Variants in HECW2 observed in about 807,000 individuals in gnomAD.
HECW2 encodes HECT, C2 and WW domain containing E3 ubiquitin protein ligase 2.
Under a neutral mutation model 175.2 loss-of-function variants are expected in HECW2, and 61 were observed. That is an observed-to-expected ratio of 0.35 (90% CI 0.28 to 0.43). The LOEUF (loss-of-function observed/expected upper bound fraction) is 0.43, where lower values mean the gene tolerates loss of function less well. Among genes scored for constraint, HECW2 ranks in the 20% least tolerant of loss-of-function variants. The probability of loss-of-function intolerance (pLI) is 1.00; values close to 1 mark genes in which losing one functional copy is unlikely to be tolerated. For missense variants in HECW2, 1,524 were observed against 2,000.5 expected (o/e 0.76, Z 4.54); for synonymous variants, 671 against 731.0 (o/e 0.92, Z 1.32).
intron 1 of HECW2, among the ~76,000 whole-genome samples, chr2:196,491,525 CAT>C (rs1204253689): frequency 7.7e-5 from 11 of 143,736 alleles, no homozygotes; most frequent in African/African-American, 1.9e-4. Context: ...CACACACACA[CAT>C]ATACACACAT....
chr2:196,409,470 C>G (rs1288653671), intron 2 of HECW2, among the ~76,000 whole-genome samples: 3 of 152,160 alleles, frequency 2.0e-5, no homozygotes, highest in Non-Finnish European at 2.9e-5. Flanking sequence ...AAAAGCTGGG[C>G]AGCAGCAAGA....
At chr2:196,486,443 C>A (rs566131086) in intron 1 of HECW2, among the ~76,000 whole-genome samples, 2 of 152,088 alleles carry the variant, frequency 1.3e-5, no homozygotes, top group African/African-American at 2.4e-5. Context: ...ACAGATGCAA[C>A]CCCCCTGGGC....
At chr2:196,270,269 G>A (rs1689678468) in intron 17 of HECW2, among the ~76,000 whole-genome samples, 1 of 152,196 alleles carries the variant, frequency 6.6e-6, no homozygotes, top group South Asian at 2.1e-4. Context: ...AGATTTCAAG[G>A]AGGGAAAGCT....
At chr2:196,362,370 C>G (rs1023734529) in intron 2 of HECW2, 1 of 141,470 alleles carries the variant, frequency 7.1e-6, no homozygotes, top group Non-Finnish European at 1.4e-5. Flanking sequence ...CACACACACA[C>G]ACACACACAC....
At chr2:196,232,745 G>A (rs949736911) in intron 21 of HECW2, among the ~76,000 whole-genome samples, 1 of 152,168 alleles carries the variant, frequency 6.6e-6, no homozygotes, top group African/African-American at 2.4e-5. Context: ...CCCTTTTTAT[G>A]ATGATAGCTG....
At chr2:196,528,971 C>G (rs540548510) in intron 1 of HECW2, among the ~76,000 whole-genome samples, 2 of 152,306 alleles carry the variant, frequency 1.3e-5, no homozygotes, top group Admixed American at 6.5e-5. Flanking sequence ...TACCCAGAAC[C>G]AGGAGAGTGA....
At position 196,201,027 on chromosome 2, in the gene HECW2, AG is replaced by A; in HGVS notation, c.*249del. ...GTCTTGGAACATAACAAATGGAAAA[AG>A]TTTGGCAGTCAAGAACTGTTGATTG... On this transcript the variant is annotated 3_prime_UTR_variant, in exon 29 of 29. Coordinates refer to ENST00000644978, the MANE Select transcript of HECW2 (RefSeq NM_001348768.2). 1 of 386,394 alleles carries A rather than the reference AG, an allele frequency of 2.6e-6. No individual in the cohort carries two copies. The highest frequency in any genetic ancestry group is 4.4e-5 in the East Asian group (1 of 22,854). The allele number at this position is 386,394 out of a possible 1,614,324, so 23.9% of individuals were successfully genotyped here. A position where few individuals can be genotyped will look rare whatever the true frequency, so the allele number is the denominator to read the frequency against.
At position 196,220,843 on chromosome 2, in the gene HECW2, C is replaced by G. The variant is rs1056529436; in HGVS notation, c.4245G>C (p.Glu1415Asp). Reference sequence around the variant, plus strand: ...TCTCTGTTTGCTGTACAACACCCCTCTCAATCCTCCACTTCACCATCCTCT... The same window carrying G: ...TCTCTGTTTGCTGTACAACACCCCTGTCAATCCTCCACTTCACCATCCTCT... ...YIERMVKWRI[E>D]RGVVQQTESL... Residue 1415 changes from glutamate (E) to aspartate (D), a missense_variant, in exon 25 of 29, where the codon GAG becomes GAC. Around this residue, in one of 11 missense-constraint regions of HECW2, gnomAD observed 134 missense variants for 287.8 expected, o/e 0.47. Coordinates refer to ENST00000644978, the MANE Select transcript of HECW2 (RefSeq NM_001348768.2). 1 of 1,614,212 alleles carries G rather than the reference C, an allele frequency of 6.2e-7. No homozygotes were observed. The highest frequency in any genetic ancestry group is 8.5e-7 in the Non-Finnish European group (1 of 1,180,014).
chr2:196,352,593 G>A (rs920488629), intron 2 of HECW2, among the ~76,000 whole-genome samples: 15 of 125,292 alleles, frequency 1.2e-4, no homozygotes, highest in African/African-American at 6.1e-4. Context: ...CACAAGCAGG[G>A]AGCCAACTGG....
At chr2:196,410,966 G>A (rs1695092996) in intron 2 of HECW2, among the ~76,000 whole-genome samples, 2 of 151,930 alleles carry the variant, frequency 1.3e-5, no homozygotes, top group Non-Finnish European at 2.9e-5. Flanking sequence ...GCCATTCCAG[G>A]CAATGCAATG....
chr2:196,284,178 T>A (rs1690296619), intron 14 of HECW2, among the ~76,000 whole-genome samples: 1 of 152,132 alleles, frequency 6.6e-6, no homozygotes, highest in Admixed American at 6.5e-5. Flanking sequence ...GCCTCACCAG[T>A]TTCAACACTG....
chr2:196,377,462 A>G (rs1694082365), intron 2 of HECW2, among the ~76,000 whole-genome samples: 2 of 152,310 alleles, frequency 1.3e-5, no homozygotes, highest in South Asian at 2.1e-4. Context: ...TGGAAGAGCA[A>G]GGGACGTCTT....
chr2:196,209,765 C>CTT lies in HECW2; in HGVS notation c.4607+6098_4607+6099dup, dbSNP rs59896485. ...TCTGATGGTTTTTCTTTCTTTCTTT[C>CTT]TTTTTTTTTTTTTTTTGAGACGGAG... On this transcript the variant is annotated intron_variant, in intron 28 of 28. Transcript: ENST00000644978. Among the ~76,000 whole-genome samples, 17 of 140,212 alleles carry CTT rather than the reference C, an allele frequency of 1.2e-4. No homozygotes were observed. In the East Asian group the frequency reaches 1.7e-3, roughly 14 times the overall value. The allele number at this position is 140,212 out of a possible 152,430, so 92.0% of individuals were successfully genotyped here.
At chr2:196,282,057 T>C (rs1487629758) in intron 14 of HECW2, among the ~76,000 whole-genome samples, 1 of 152,210 alleles carries the variant, frequency 6.6e-6, no homozygotes, top group Admixed American at 6.5e-5. Context: ...TAGTTTTCTT[T>C]TCTGAAACAG....
intron 11 of HECW2, 75 bp from the exon 12 acceptor site, chr2:196,307,308 A>C: frequency 1.0e-6 from 1 of 962,726 alleles, no homozygotes; most frequent in Non-Finnish European, 1.6e-6. Context: ...AAGAGTCTAG[A>C]ACTTTTCACT....
chr2:196,509,470 T>A (rs1687872209), intron 1 of HECW2, among the ~76,000 whole-genome samples: 1 of 152,094 alleles, frequency 6.6e-6, no homozygotes, highest in Admixed American at 6.5e-5. Flanking sequence ...GGGCTGGGAG[T>A]CCCAATCTTC....
intron 19 of HECW2, among the ~76,000 whole-genome samples, chr2:196,250,466 C>T (rs560599261): frequency 7.2e-5 from 11 of 152,106 alleles, no homozygotes; most frequent in Non-Finnish European, 1.2e-4. Flanking sequence ...CAAAAATAAT[C>T]GTGAGAGGTG....
intron 26 of HECW2, among the ~76,000 whole-genome samples, chr2:196,219,522 A>T (rs895660959): frequency 6.6e-5 from 10 of 152,198 alleles, no homozygotes; most frequent in African/African-American, 2.4e-4. Context: ...TTTCACTTGA[A>T]ATTCATGCTT....
chr2:196,535,927 T>G (rs1407867399), intron 1 of HECW2, among the ~76,000 whole-genome samples: 8 of 152,000 alleles, frequency 5.3e-5, no homozygotes, highest in Non-Finnish European at 4.4e-5. Context: ...TAAAAAAAAA[T>G]CTACCTCCAG....
Sources: gnomAD v4.1 joint callset for allele counts (sites outside exome capture counted in the v4.1 genomes callset) on GRCh38, gnomAD v4.1.1 for gene constraint, gnomAD v4.1.1 regional missense constraint, MANE v1.5 for transcripts, NCBI Gene and HGNC (gene_info 2026-07-23, HGNC 2026-07-21) for gene names.